Variants in STXBP3 observed in about 807,000 individuals in gnomAD.
STXBP3 encodes the protein syntaxin binding protein 3, also known as syntaxin-binding protein 3.
In STXBP3, 41 loss-of-function variants were observed where a neutral mutation model predicts 85.7. That is an observed-to-expected ratio of 0.48 (90% CI 0.37 to 0.62). The LOEUF is 0.62. STXBP3 is among the 20% of genes least tolerant of loss of function. The pLI, the probability that STXBP3 is intolerant of heterozygous loss-of-function variation, is 0.00. For synonymous variants in STXBP3, 229 were observed against 231.7 expected, an observed-to-expected ratio of 0.99 and a Z score of 0.10; for missense variants, 563 against 703.1, an observed-to-expected ratio of 0.80 and a Z score of 2.25.
At chr1:108,789,697 C>T (rs1662936016) in intron 11 of STXBP3, among the ~76,000 whole-genome samples, 1 of 152,076 alleles carries the variant, frequency 6.6e-6, no homozygotes, top group African/African-American at 2.4e-5. Context: ...CTTTCTGTTA[C>T]TGAGTTGTAA....
chr1:108,794,537 A>G (rs1265072850), intron 12 of STXBP3, among the ~76,000 whole-genome samples: 1 of 152,232 alleles, frequency 6.6e-6, no homozygotes, highest in Non-Finnish European at 1.5e-5. Context: ...AGCATGGGGA[A>G]AATCACTCCC....
chr1:108,753,032 A>G (rs1245661881), intron 2 of STXBP3, 31 bp from the exon 3 acceptor site: 1 of 1,489,342 alleles, frequency 6.7e-7, no homozygotes, highest in African/African-American at 1.4e-5. Context: ...TAGGATGCTT[A>G]CAGTATTTTT....
chr1:108,808,845 A>G lies in STXBP3; in HGVS notation c.1747A>G (p.Lys583Glu), dbSNP rs1663398203. 2.5e-6 allele frequency: 4 copies of G among 1,612,936 alleles called. No homozygotes were observed. The highest frequency in any genetic ancestry group is 3.4e-6 in the Non-Finnish European group (4 of 1,179,554). Residue 583 changes from lysine (K) to glutamate (E), a missense_variant, in exon 19 of 19, where the codon AAG (lysine) becomes GAG (glutamate). By Grantham distance (56) the Lys-to-Glu change is moderately conservative (BLOSUM62 1). This residue lies in a region of STXBP3 where 494 missense variants were observed against 592.8 expected (regional missense o/e 0.83). Coordinates refer to ENST00000370008, the MANE Select transcript of STXBP3 (RefSeq NM_007269.4). ...LDDIKMLNKP[K>E]DKVSLIKDE is the part of the protein sequence containing the mutation. Reference sequence around the variant, plus strand: ...TGATATAAAGATGCTGAATAAACCCAAGGATAAAGTCTCCTTAATTAAAGA... The same window carrying G: ...TGATATAAAGATGCTGAATAAACCCGAGGATAAAGTCTCCTTAATTAAAGA...
intron 7 of STXBP3, among the ~76,000 whole-genome samples, chr1:108,775,219 A>T (rs777594002): frequency 6.6e-6 from 1 of 151,606 alleles, no homozygotes; most frequent in Non-Finnish European, 1.5e-5. Flanking sequence ...TCACAATGAG[A>T]CCTCCCATTT....
At position 108,746,802 on chromosome 1, in the gene STXBP3, T is replaced by C. The variant is rs1553194398; in HGVS notation, c.49+16T>C. The C allele has an allele frequency of 7.8e-6, 12 of 1,529,118 alleles. No homozygotes were observed. Among genetic ancestry groups the C allele is most frequent in the Middle Eastern group, 2.0e-4 (1 of 5,106 alleles). The allele number at this position is 1,529,118 out of a possible 1,614,324, so 94.7% of individuals were successfully genotyped here. On this transcript the variant is annotated intron_variant, in intron 1 of 18. Transcript: ENST00000370008. ...GTGTGGCAGAGTGAGTGCGGTGGGG[T>C]AGGGGTTGAGAGAGGGAAGGCCGGG...
At chr1:108,786,919 AC>A (rs1557811548) in intron 11 of STXBP3, among the ~76,000 whole-genome samples, 1 of 152,192 alleles carries the variant, frequency 6.6e-6, no homozygotes, top group Non-Finnish European at 1.5e-5. Context: ...ATATAGCTCC[AC>A]TTATGTAGAT....
chr1:108,801,276 GT>G (rs927452150), intron 17 of STXBP3, among the ~76,000 whole-genome samples: 133 of 150,696 alleles, frequency 8.8e-4, no homozygotes, highest in African/African-American at 3.0e-3. Context: ...CCTACTGAAT[GT>G]TTTTTTTTCC....
chr1:108,797,881 A>G lies in STXBP3; in HGVS notation c.1357-264A>G, dbSNP rs566618307. 8.5e-5 allele frequency among the ~76,000 whole-genome samples: 13 copies of G among 152,224 alleles called. No individual in the cohort carries two copies. The East Asian group carries it at 2.1e-3, about 25-fold the overall frequency. On this transcript the variant is annotated intron_variant, in intron 15 of 18. Transcript: ENST00000370008. The stretch of plus-strand genomic sequence containing the variant: ...CTCCCTAGTAGCTGGGACTACAGCC[A>G]TCAAGTTTTATAATACTTTTATTTT...
chr1:108,753,346 C>A (rs1313869831), intron 3 of STXBP3: 1 of 361,738 alleles, frequency 2.8e-6, no homozygotes, highest in Non-Finnish European at 4.9e-6. Flanking sequence ...AGACCTCTAA[C>A]CAAGCCTAAC....
Position 108,794,821 on chromosome 1 carries a change from T to C in STXBP3, c.1030-6T>C. On this transcript the variant is annotated splice_region_variant and splice_polypyrimidine_tract_variant and intron_variant, in intron 12 of 18. Coordinates refer to ENST00000370008, the MANE Select transcript of STXBP3 (RefSeq NM_007269.4). ...CTTTAAATGATTGATTTCTTCTGTT[T>C]TTCAGCAAGTTGTCCATCTTAACTT... 1 of 1,607,984 alleles carries C rather than the reference T, an allele frequency of 6.2e-7. No individual in the cohort carries two copies. The highest frequency in any genetic ancestry group is 8.5e-7 in the Non-Finnish European group (1 of 1,176,552).
chr1:108,772,665 G>T lies in STXBP3; in HGVS notation c.439G>T (p.Val147Leu). ...AGTGAGTTTTTTTGTCTTAACTTAG[G>T]TGTATACTCTTGATGTACCAGATGC... ...NISFIPHESQ[V>L]YTLDVPDAFY... The change falls in exon 7 of 19, where the codon GTG becomes TTG. Residue 147 changes from valine (V) to leucine (L), a missense_variant and splice_region_variant. Val to Leu is a conservative substitution (Grantham distance 32, BLOSUM62 1). Transcript: ENST00000370008. 5 of 1,464,434 alleles carry T rather than the reference G, an allele frequency of 3.4e-6. No homozygotes were observed. Among genetic ancestry groups the T allele is most frequent in the East Asian group, 2.7e-5 (1 of 37,510 alleles). 90.7% of individuals were successfully genotyped at this position (1,464,434 alleles called of 1,614,324 possible). A position where few individuals can be genotyped will look rare whatever the true frequency, so the allele number is the denominator to read the frequency against.
intron 18 of STXBP3, 105 bp from the exon 19 acceptor site, chr1:108,808,678 C>T (rs1490324972): frequency 2.4e-6 from 2 of 849,260 alleles, no homozygotes; most frequent in South Asian, 1.5e-5. Flanking sequence ...GTTACATTAC[C>T]CCAGGCTACT....
At chr1:108,751,387 G>A (rs1051166776) in intron 1 of STXBP3, among the ~76,000 whole-genome samples, 2 of 152,080 alleles carry the variant, frequency 1.3e-5, no homozygotes, top group African/African-American at 4.8e-5. Flanking sequence ...TAGAAGAGCC[G>A]TCAGTTTTTA....
At chr1:108,763,874 G>T (rs994922953) in intron 6 of STXBP3, among the ~76,000 whole-genome samples, 2 of 152,052 alleles carry the variant, frequency 1.3e-5, no homozygotes, top group African/African-American at 4.8e-5. Flanking sequence ...GAGCCACTGC[G>T]TCTGGCCCTA....
rs1209851264 is a variant in STXBP3 at position 108,800,416 on chromosome 1, A to AT, written c.1535+117dup. The AT allele has an allele frequency of 8.7e-6, 6 of 688,134 alleles. No individual in the cohort carries two copies. In the Admixed American group the frequency reaches 1.5e-4, roughly 17 times the overall value. The allele number at this position is 688,134 out of a possible 1,614,324, so 42.6% of individuals were successfully genotyped here. ...CTTTCTTTCAAGTATATAATCCTGT[A>AT]TTTTTTCTTTAACTGTAACTTGTTT... is the stretch of plus-strand genomic sequence containing the variant. On this transcript the variant is annotated intron_variant, in intron 17 of 18. Coordinates refer to ENST00000370008, the MANE Select transcript of STXBP3 (RefSeq NM_007269.4).
At chr1:108,800,459 G>A (rs980304436) in intron 17 of STXBP3, among the ~76,000 whole-genome samples, 154 bp downstream of exon 17, 13 of 152,176 alleles carry the variant, frequency 8.5e-5, no homozygotes, top group East Asian at 5.8e-4. Context: ...ATCCAGATAA[G>A]CAATATGAAA....
intron 9 of STXBP3, chr1:108,781,181 G>A (rs1035075514): frequency 1.3e-5 from 2 of 152,174 alleles, no homozygotes; most frequent in Non-Finnish European, 2.9e-5. Context: ...CCTTAGTGCA[G>A]CCTTATATAA....
rs1437457881 is a variant in STXBP3, at chr1:108,795,020, ACT to A, written c.1110+120_1110+121del. On this transcript the variant is annotated intron_variant, in intron 13 of 18. Transcript: ENST00000370008. ...GTGGTTGGTTTTTACAGAATCACAGACTCTCTCTTATCAGGGGAGCCACCTAG... is the reference window on the plus strand; with the variant it reads ...GTGGTTGGTTTTTACAGAATCACAGACTCTCTTATCAGGGGAGCCACCTAG... 7 of 826,976 alleles carry A rather than the reference ACT, an allele frequency of 8.5e-6. No individual in the cohort carries two copies. The South Asian group carries it at 1.1e-4, about 13-fold the overall frequency. 51.2% of individuals were successfully genotyped at this position (826,976 alleles called of 1,614,324 possible). A position where few individuals can be genotyped will look rare whatever the true frequency, so the allele number is the denominator to read the frequency against.
intron 7 of STXBP3, among the ~76,000 whole-genome samples, chr1:108,774,564 T>G (rs1662545230): frequency 6.6e-6 from 1 of 151,990 alleles, no homozygotes; most frequent in South Asian, 2.1e-4. Context: ...AGTTATCTCC[T>G]TAATTCAGGT....
Sources: gnomAD v4.1 joint callset for allele counts (sites outside exome capture counted in the v4.1 genomes callset) on GRCh38, gnomAD v4.1.1 for gene constraint, gnomAD v4.1.1 regional missense constraint, MANE v1.5 for transcripts, NCBI Gene and HGNC (gene_info 2026-07-23, HGNC 2026-07-21) for gene names.